The following LONP1 variants were observed in gnomAD, a reference collection of about 807,000 sequenced individuals.
LONP1 encodes lon protease homolog, mitochondrial.
A neutral mutation model predicts 98.5 loss-of-function variants in LONP1; 31 were observed. That is an observed-to-expected ratio of 0.31 (90% CI 0.24 to 0.42). The LOEUF (loss-of-function observed/expected upper bound fraction) is 0.42, where lower values mean the gene tolerates loss of function less well. Among genes scored for constraint, LONP1 ranks in the 20% least tolerant of loss-of-function variants. The pLI is 1.00. For synonymous variants in LONP1, 781 were observed against 594.7 expected, an observed-to-expected ratio of 1.31 and a Z score of -4.56; for missense variants, 1,336 against 1,350.6, an observed-to-expected ratio of 0.99 and a Z score of 0.17.
intron 15 of LONP1, among the ~76,000 whole-genome samples, chr19:5,694,040 G>T (rs2054879778): frequency 6.6e-6 from 1 of 152,210 alleles, no homozygotes; most frequent in African/African-American, 2.4e-5. Context: ...CCGCTGCCCT[G>T]CAGACAGACA....
upstream of LONP1, chr19:5,720,330 A>C: frequency 1.2e-6 from 1 of 810,538 alleles, no homozygotes; most frequent in Admixed American, 3.7e-5. Context: ...CTCCCACTTT[A>C]TGCGCTGAAG....
chr19:5,705,906 C>A lies in LONP1; in HGVS notation c.1233G>T (p.Lys411Asn), dbSNP rs776298976. 1 of 1,614,192 alleles carries A rather than the reference C, an allele frequency of 6.2e-7. No individual in the cohort carries two copies. ...TCTCCTCGATGGCATCCTTGTCGTC[C>A]TTCTCCAGGCCCAGCTCCTTCTTGA... ...KIIKKELGLE[K>N]DDKDAIEEKF... The change falls in exon 8 of 18, where the codon AAG becomes AAT. Residue 411 changes from lysine to asparagine, a missense_variant. This residue lies in a region of LONP1 where 219 missense variants were observed against 241.0 expected (regional missense o/e 0.91). Coordinates refer to ENST00000360614, the MANE Select transcript of LONP1 (RefSeq NM_004793.4).
intron 11 of LONP1, 71 bp from the exon 12 acceptor site, chr19:5,696,442 G>A (rs1007652251): frequency 5.1e-6 from 8 of 1,572,398 alleles, no homozygotes; most frequent in African/African-American, 4.0e-5. Flanking sequence ...GGAGACCCCA[G>A]GGTCAGGGCT....
At chr19:5,707,172 GAGC>G (rs746277464) in intron 6 of LONP1, 29 bp from the exon 7 acceptor site, 7 of 1,597,010 alleles carry the variant, frequency 4.4e-6, no homozygotes, top group South Asian at 3.3e-5. Flanking sequence ...CAGAAAGGAT[GAGC>G]AGAAGTCGGC....
At chr19:5,703,524 C>T (rs1391403639) in intron 8 of LONP1, among the ~76,000 whole-genome samples, 2 of 152,026 alleles carry the variant, frequency 1.3e-5, no homozygotes, top group African/African-American at 4.8e-5. Context: ...TGCAAGAGCA[C>T]ACGGCAGGAT....
rs554291992 is a variant in LONP1, at chr19:5,693,834, C to A, written c.2321-65G>T. The stretch of plus-strand genomic sequence containing the variant: ...AGCCCAGGCCGGTGCTCACTCCACC[C>A]CTCGGGGCCACTCTGACCGCTCCTG... On this transcript the variant is annotated intron_variant, in intron 15 of 17. Transcript: ENST00000360614. The A allele has an allele frequency of 4.3e-5, 59 of 1,382,792 alleles. No homozygotes were observed. The African/African-American group carries it at 7.3e-4, about 17-fold the overall frequency. The allele number at this position is 1,382,792 out of a possible 1,614,324, so 85.7% of individuals were successfully genotyped here.
rs1380012657 is a variant in LONP1 at position 5,700,862 on chromosome 19, A to G, written c.1433T>C (p.Leu478Pro). 1.2e-6 allele frequency: 2 copies of G among 1,614,090 alleles called. No homozygotes were observed. The highest frequency in any genetic ancestry group is 1.7e-6 in the Non-Finnish European group (2 of 1,180,034). ...CACTGCCTGTGCCCGCGCCAGGTCC[A>G]GGTTCTCGTTGCTGTACTTGCCCCA... ...IPWGKYSNEN[L>P]DLARAQAVLE... The change falls in exon 9 of 18, where the codon CTG becomes CCG. Residue 478 changes from leucine to proline, a missense_variant. Physicochemically the swap from Leu to Pro is moderately conservative, Grantham distance 98. Transcript: ENST00000360614.
chr19:5,708,450 AG>A (rs749732528), intron 4 of LONP1, 47 bp from the exon 5 acceptor site: 3 of 465,356 alleles, frequency 6.4e-6, no homozygotes, highest in East Asian at 6.1e-5. Context: ...GTGCTCCAGC[AG>A]GGGGTGGGCT....
At chr19:5,707,273 G>A in intron 6 of LONP1, 130 bp from the exon 7 acceptor site, 1 of 720,332 alleles carries the variant, frequency 1.4e-6, no homozygotes, top group East Asian at 2.7e-5. Flanking sequence ...ACCCAGCACA[G>A]AGGCATGTGT....
chr19:5,696,462 C>T, intron 11 of LONP1, 91 bp from the exon 12 acceptor site: 1 of 1,523,650 alleles, frequency 6.6e-7, no homozygotes, highest in Non-Finnish European at 8.9e-7. Flanking sequence ...TGGGGAGACC[C>T]CGAGTGAGAG....
chr19:5,710,369 G>A (rs1414060350), intron 4 of LONP1, among the ~76,000 whole-genome samples: 1 of 151,648 alleles, frequency 6.6e-6, no homozygotes, highest in Non-Finnish European at 1.5e-5. Context: ...GATTACAGGC[G>A]TGAGCCCACC....
rs1325673934 is a variant in LONP1, at chr19:5,707,073, C to A, written c.1133G>T (p.Arg378Leu). 6.2e-7 allele frequency: 1 copy of A among 1,611,866 alleles called. No homozygotes were observed. Among genetic ancestry groups the A allele is most frequent in the Admixed American group, 1.7e-5 (1 of 59,932 alleles). Residue 378 changes from arginine (R) to leucine (L), a missense_variant, in exon 7 of 18, where the codon CGC becomes CTC. Physicochemically the swap from Arg to Leu is moderately radical, Grantham distance 102. This residue lies in a region of LONP1 where 97 missense variants were observed against 139.0 expected (regional missense o/e 0.70). Transcript: ENST00000360614. Reference sequence around the variant, plus strand: ...CCGCGGGCTCACCTCCCGCCCCAGGCGCTGCTGCAGCTTGCTCAGTTCAAA... The same window carrying A: ...CCGCGGGCTCACCTCCCGCCCCAGGAGCTGCTGCAGCTTGCTCAGTTCAAA... ...KEFELSKLQQ[R>L]LGREVEEKIK... is the part of the protein sequence containing the mutation.
chr19:5,706,434 C>A (rs1332446355), intron 7 of LONP1, among the ~76,000 whole-genome samples: 2 of 152,046 alleles, frequency 1.3e-5, no homozygotes, highest in African/African-American at 2.4e-5. Context: ...CATGGTGAAA[C>A]CCTGTCTCTA....
chr19:5,714,089 C>T, intron 2 of LONP1, 94 bp downstream of exon 2: 1 of 928,748 alleles, frequency 1.1e-6, no homozygotes, highest in Non-Finnish European at 1.7e-6. Flanking sequence ...TCCTCGGGGT[C>T]AGGGGTCAAA....
Position 5,719,941 on chromosome 19 carries a change from T to C in LONP1, c.192A>G (p.Gln64=), listed in dbSNP as rs772514165. 2.2e-5 allele frequency: 34 copies of C among 1,563,212 alleles called. No individual in the cohort carries two copies. In the Admixed American group the frequency reaches 5.6e-4, roughly 26 times the overall value. ...TGCTCGCTTCCCAAAACCCCCGCCA[T>C]TGGCCCCCAATTGCCGGGCCTCGGC... ...LWGRGPAIGG[Q]WRGFWEASSR... is the part of the protein sequence containing the mutation. Residue 64 remains glutamine (Q), a synonymous_variant, in exon 1 of 18, where the codon CAA becomes CAG. Coordinates refer to ENST00000360614, the MANE Select transcript of LONP1 (RefSeq NM_004793.4).
In LONP1 at chr19:5,719,859, C is replaced by T. The variant is rs775532208; in HGVS notation, c.274G>A (p.Glu92Lys). Residue 92 changes from glutamate (E) to lysine (K), a missense_variant, in exon 1 of 18, where the codon GAA becomes AAA. By Grantham distance (56) the Glu-to-Lys change is moderately conservative. This residue lies in a region of LONP1 where 457 missense variants were observed against 403.1 expected (regional missense o/e 1.13). Transcript: ENST00000360614. Reference protein sequence around the residue: ...GEDASEGGAEEGAGGAGGSAG... With the variant: ...GEDASEGGAEKGAGGAGGSAG... Reference sequence around the variant, plus strand: ...CTGCCCCCCGCGCCGCCGGCTCCTTCCTCCGCGCCGCCCTCGGAGGCGTCC... The same window carrying T: ...CTGCCCCCCGCGCCGCCGGCTCCTTTCTCCGCGCCGCCCTCGGAGGCGTCC... The T allele has an allele frequency of 1.2e-6, 2 of 1,601,436 alleles. No homozygotes were observed. Among genetic ancestry groups the T allele is most frequent in the South Asian group, 2.2e-5 (2 of 90,284 alleles).
In LONP1 at chr19:5,719,835, T is replaced by G. The variant is rs754822223; in HGVS notation, c.298A>C (p.Ser100Arg). 6.2e-7 allele frequency: 1 copy of G among 1,608,938 alleles called. No individual in the cohort carries two copies. Among genetic ancestry groups the G allele is most frequent in the East Asian group, 2.2e-5 (1 of 44,732 alleles). The change falls in exon 1 of 18, where the codon AGC becomes CGC. Residue 100 changes from serine to arginine, a missense_variant. By Grantham distance (110) the Ser-to-Arg change is moderately radical (BLOSUM62 -1). Transcript: ENST00000360614. Reference sequence around the variant, plus strand: ...ACCGGGCCTTCCCCGGCGCCCGCGCTGCCCCCCGCGCCGCCGGCTCCTTCC... The same window carrying G: ...ACCGGGCCTTCCCCGGCGCCCGCGCGGCCCCCCGCGCCGCCGGCTCCTTCC... ...AEEGAGGAGG[S>R]AGAGEGPVIT...
intron 1 of LONP1, among the ~76,000 whole-genome samples, chr19:5,716,274 A>ATATATATATG (rs1156361835): frequency 4.0e-5 from 3 of 75,034 alleles, no homozygotes; most frequent in Non-Finnish European, 9.3e-5. Context: ...ATATATATAT[A>ATATATATATG]TATATATATA....
chr19:5,703,925 G>A (rs2055101670), intron 8 of LONP1, among the ~76,000 whole-genome samples: 1 of 152,218 alleles, frequency 6.6e-6, no homozygotes, highest in African/African-American at 2.4e-5. Context: ...ACTTCCACCA[G>A]CCCAAGGGCA....
Sources: gnomAD v4.1 joint callset for allele counts (sites outside exome capture counted in the v4.1 genomes callset) on GRCh38, gnomAD v4.1.1 for gene constraint, gnomAD v4.1.1 regional missense constraint, MANE v1.5 for transcripts, NCBI Gene and HGNC (gene_info 2026-07-23, HGNC 2026-07-21) for gene names.